Variants in DIAPH3 observed in about 807,000 individuals in gnomAD.
DIAPH3 encodes the protein protein diaphanous homolog 3.
A neutral mutation model predicts 144.3 loss-of-function variants in DIAPH3; 117 were observed. The ratio of observed to expected loss-of-function variants is 0.81; its 90% CI spans 0.70 to 0.95. The LOEUF is 0.95. Ranked by LOEUF, DIAPH3 falls within the 40% of genes least tolerant of loss-of-function variation. The probability of loss-of-function intolerance (pLI) is 0.00; values close to 1 mark genes in which losing one functional copy is unlikely to be tolerated. For synonymous variants in DIAPH3, 519 were observed against 488.9 expected (o/e 1.06, Z -0.81); for missense variants, 1,421 against 1,412.7 (o/e 1.01, Z -0.09).
At chr13:60,017,636 A>T (rs1354708261) in intron 5 of DIAPH3, among the ~76,000 whole-genome samples, 1 of 152,142 alleles carries the variant, frequency 6.6e-6, no homozygotes, top group Non-Finnish European at 1.5e-5. Flanking sequence ...ACACCTATCA[A>T]TGTTGAGGAT....
At chr13:59,759,592 G>A (rs1283805447) in intron 27 of DIAPH3, among the ~76,000 whole-genome samples, 1 of 152,142 alleles carries the variant, frequency 6.6e-6, no homozygotes, top group African/African-American at 2.4e-5. Flanking sequence ...TGAAGAGAAA[G>A]TAGGTTAACA....
At chr13:59,859,461 A>G (rs1256582223) in intron 22 of DIAPH3, among the ~76,000 whole-genome samples, 3 of 152,344 alleles carry the variant, frequency 2.0e-5, no homozygotes, top group Admixed American at 2.0e-4. Flanking sequence ...AATTTTAAGT[A>G]TGAGTCAACA....
chr13:60,053,390 T>A (rs902205896), intron 4 of DIAPH3, among the ~76,000 whole-genome samples: 3 of 152,270 alleles, frequency 2.0e-5, no homozygotes, highest in African/African-American at 7.2e-5. Context: ...TCCAACATAA[T>A]TTTTAAATCT....
At position 60,112,032 on chromosome 13, in the gene DIAPH3, A is replaced by G; in HGVS notation, c.368T>C (p.Leu123Ser). The G allele has an allele frequency of 1.2e-6, 2 of 1,614,118 alleles. No homozygotes were observed. Among genetic ancestry groups the G allele is most frequent in the Non-Finnish European group, 1.7e-6 (2 of 1,179,998 alleles). Residue 123 changes from leucine (L) to serine (S), a missense_variant, in exon 3 of 28, where the codon TTA (leucine) becomes TCA (serine). By Grantham distance (145) the Leu-to-Ser change is moderately radical. Transcript: ENST00000400324. The stretch of plus-strand genomic sequence containing the variant: ...TACCATCATTTTTTCAAAAAGTTCT[A>G]AGAGTTCATTCTCTGACAGTGGCTT... ...FPKPLSENEL[L>S]ELFEKMMEDM...
chr13:60,132,997 T>C lies in DIAPH3; in HGVS notation c.181-8A>G, dbSNP rs2059181678. On this transcript the variant is annotated splice_polypyrimidine_tract_variant and splice_region_variant and intron_variant, in intron 1 of 27. Transcript: ENST00000400324. Reference sequence around the variant, plus strand: ...TGTCCTAATATTTAAATGCTGCAAATTAAAAAAAAGCAATCATATTAGTAA... The same window carrying C: ...TGTCCTAATATTTAAATGCTGCAAACTAAAAAAAAGCAATCATATTAGTAA... The C allele has an allele frequency of 6.2e-7, 1 of 1,600,550 alleles. No homozygotes were observed. Among genetic ancestry groups the C allele is most frequent in the Non-Finnish European group, 8.5e-7 (1 of 1,169,626 alleles).
At chr13:59,823,889 G>C (rs1459997456) in intron 24 of DIAPH3, among the ~76,000 whole-genome samples, 1 of 152,096 alleles carries the variant, frequency 6.6e-6, no homozygotes. Flanking sequence ...CACTACTTTA[G>C]TCGGAGAATT....
intron 5 of DIAPH3, among the ~76,000 whole-genome samples, chr13:60,041,065 C>T (rs906479484): frequency 3.3e-5 from 5 of 152,130 alleles, no homozygotes; most frequent in African/African-American, 1.2e-4. Context: ...CCACCTGCCC[C>T]GACCTCCCAA....
At chr13:59,855,472 A>G (rs1327117689) in intron 22 of DIAPH3, among the ~76,000 whole-genome samples, 1 of 152,056 alleles carries the variant, frequency 6.6e-6, no homozygotes, top group Non-Finnish European at 1.5e-5. Flanking sequence ...TTATATTAAC[A>G]TTAAAATTAT....
In DIAPH3 at chr13:60,010,366, T is replaced by A. The variant is rs535098717; in HGVS notation, c.908+167A>T. ...TAATAAATCAATTAAGAGAAATAAT[T>A]ACTCAAAAATTTCCAGCCAATAAGA... On this transcript the variant is annotated intron_variant, in intron 8 of 27. Transcript: ENST00000400324. Among the ~76,000 whole-genome samples, 5 of 152,266 alleles carry A rather than the reference T, an allele frequency of 3.3e-5. No individual in the cohort carries two copies. The East Asian group carries it at 5.8e-4, about 18-fold the overall frequency.
chr13:59,968,203 G>A (rs1356466364), intron 17 of DIAPH3, among the ~76,000 whole-genome samples: 1 of 152,142 alleles, frequency 6.6e-6, no homozygotes, highest in African/African-American at 2.4e-5. Flanking sequence ...TAACATTGCA[G>A]CTAAATTAAA....
intron 27 of DIAPH3, among the ~76,000 whole-genome samples, chr13:59,757,364 C>T (rs575331541): frequency 6.7e-6 from 1 of 148,584 alleles, no homozygotes; most frequent in African/African-American, 2.5e-5. Flanking sequence ...CAAACCCTAC[C>T]TAGGAAAGCT....
intron 17 of DIAPH3, among the ~76,000 whole-genome samples, chr13:59,936,235 C>T (rs577607232): frequency 1.3e-5 from 2 of 152,232 alleles, no homozygotes; most frequent in South Asian, 2.1e-4. Flanking sequence ...CTAAAGAATG[C>T]TTCCCCTACC....
intron 27 of DIAPH3, among the ~76,000 whole-genome samples, chr13:59,714,213 A>G (rs2138852465): frequency 6.6e-6 from 1 of 151,480 alleles, no homozygotes; most frequent in African/African-American, 2.4e-5. Context: ...ACAAAAAATT[A>G]GCCGGGCGTA....
rs112157354 is a variant in DIAPH3, at chr13:60,005,116, T to C, written c.1014+3428A>G. 2.6e-3 allele frequency among the ~76,000 whole-genome samples: 394 copies of C among 152,318 alleles called. 1 individual carries two copies. Among genetic ancestry groups the C allele is most frequent in the African/African-American group, 8.9e-3 (370 of 41,582 alleles). The stretch of plus-strand genomic sequence containing the variant: ...AGCCAAAGAGTAGAAACAACCTGAA[T>C]GTCTGTCGACTGACAGCTGATAAAA... On this transcript the variant is annotated intron_variant, in intron 9 of 27. Transcript: ENST00000400324.
intron 22 of DIAPH3, among the ~76,000 whole-genome samples, chr13:59,850,606 A>T (rs1038047531): frequency 6.6e-6 from 1 of 151,058 alleles, no homozygotes; most frequent in African/African-American, 2.4e-5. Context: ...GGCTCTGTTT[A>T]TATGCTGGAT....
chr13:60,135,317 T>A (rs991879410), intron 1 of DIAPH3, among the ~76,000 whole-genome samples: 3 of 151,980 alleles, frequency 2.0e-5, no homozygotes, highest in Admixed American at 2.0e-4. Flanking sequence ...TTTAAAAGAT[T>A]TAATTTCCTA....
intron 16 of DIAPH3, 107 bp downstream of exon 16, chr13:59,970,741 AAATT>A: frequency 8.1e-6 from 8 of 985,732 alleles, no homozygotes; most frequent in Non-Finnish European, 1.2e-5. Context: ...ATGTATATAT[AAATT>A]AAATTATGTA....
intron 5 of DIAPH3, among the ~76,000 whole-genome samples, chr13:60,024,890 C>T (rs558158462): frequency 6.6e-6 from 1 of 152,164 alleles, no homozygotes; most frequent in East Asian, 1.9e-4. Context: ...GGAGGACTGC[C>T]TCATTATGCT....
chr13:59,844,367 G>A (rs1165267972), intron 22 of DIAPH3, among the ~76,000 whole-genome samples: 1 of 151,892 alleles, frequency 6.6e-6, no homozygotes, highest in Admixed American at 6.6e-5. Flanking sequence ...AGCCAGGCGT[G>A]GTGGCGAGCG....
Sources: gnomAD v4.1 joint callset for allele counts (sites outside exome capture counted in the v4.1 genomes callset) on GRCh38, gnomAD v4.1.1 for gene constraint, MANE v1.5 for transcripts, NCBI Gene and HGNC (gene_info 2026-07-23, HGNC 2026-07-21) for gene names.